The following PDE8A variants were observed in gnomAD, a reference collection of about 807,000 sequenced individuals.
PDE8A encodes the protein high affinity cAMP-specific and IBMX-insensitive 3',5'-cyclic phosphodiesterase 8A.
A neutral mutation model predicts 105.0 loss-of-function variants in PDE8A; 59 were observed. The observed-to-expected ratio is 0.56, with a 90% CI of 0.46 to 0.70. The LOEUF is 0.70. PDE8A is among the 30% of genes least tolerant of loss of function. The pLI, the probability that PDE8A is intolerant of heterozygous loss-of-function variation, is 0.00. For missense variants in PDE8A, 1,014 were observed against 1,045.9 expected, an observed-to-expected ratio of 0.97 and a Z score of 0.42; for synonymous variants, 355 against 371.9, an observed-to-expected ratio of 0.95 and a Z score of 0.52.
chr15:85,092,304 CT>C (rs1436295227), intron 8 of PDE8A, among the ~76,000 whole-genome samples: 1 of 151,316 alleles, frequency 6.6e-6, no homozygotes, highest in Non-Finnish European at 1.5e-5. Context: ...TTCAACTTTT[CT>C]GTCAAGGATT....
At position 85,138,845 on chromosome 15, in the gene PDE8A, A is replaced by G. The variant is rs993418108; in HGVS notation, c.*942A>G. 2.6e-5 allele frequency: 4 copies of G among 152,216 alleles called. No homozygotes were observed. The highest frequency in any genetic ancestry group is 4.8e-5 in the African/African-American group (2 of 41,448). The allele number at this position is 152,216 out of a possible 1,614,324, so 9.4% of individuals were successfully genotyped here. The stretch of plus-strand genomic sequence containing the variant: ...CTTTTTTCTAAAATTTTATAATTCA[A>G]TTTCCAAAAGTCTACTCTATTTTAT... On this transcript the variant is annotated 3_prime_UTR_variant, in exon 22 of 22. Coordinates refer to ENST00000394553, the MANE Select transcript of PDE8A (RefSeq NM_002605.3).
At chr15:85,004,988 T>C (rs1260224755) in intron 1 of PDE8A, among the ~76,000 whole-genome samples, 1 of 152,166 alleles carries the variant, frequency 6.6e-6, no homozygotes, top group Non-Finnish European at 1.5e-5. Context: ...CCATATGATT[T>C]TTTTTCCTGT....
chr15:85,067,359 T>A (rs1752858335), intron 3 of PDE8A, among the ~76,000 whole-genome samples, 155 bp downstream of exon 3: 1 of 152,228 alleles, frequency 6.6e-6, no homozygotes, highest in Non-Finnish European at 1.5e-5. Context: ...ATAGGACTGA[T>A]GCATATCTCT....
intron 1 of PDE8A, among the ~76,000 whole-genome samples, chr15:85,032,912 T>C (rs2080639117): frequency 6.6e-6 from 1 of 152,204 alleles, no homozygotes; most frequent in Non-Finnish European, 1.5e-5. Flanking sequence ...TACTCCATAT[T>C]CAAAAAAATT....
At chr15:85,057,097 T>G (rs2081071683) in intron 1 of PDE8A, among the ~76,000 whole-genome samples, 1 of 152,196 alleles carries the variant, frequency 6.6e-6, no homozygotes, top group African/African-American at 2.4e-5. Context: ...AGACCCTGTT[T>G]GCCTGGGTAT....
chr15:85,023,085 A>C (rs762814701), intron 1 of PDE8A, among the ~76,000 whole-genome samples: 1 of 152,168 alleles, frequency 6.6e-6, no homozygotes, highest in Non-Finnish European at 1.5e-5. Context: ...GGAAGGGAAC[A>C]GTACTGTTTT....
intron 19 of PDE8A, among the ~76,000 whole-genome samples, chr15:85,124,807 G>C (rs1344736569): frequency 6.6e-6 from 1 of 152,130 alleles, no homozygotes; most frequent in Non-Finnish European, 1.5e-5. Context: ...ACTCCTGGCT[G>C]ACCTCATGCC....
intron 1 of PDE8A, among the ~76,000 whole-genome samples, chr15:85,034,681 G>T (rs922259758): frequency 3.9e-5 from 6 of 152,176 alleles, no homozygotes; most frequent in African/African-American, 7.2e-5. Flanking sequence ...GTTAGCAAAA[G>T]AATGGTGCAG....
At chr15:85,133,022 C>T (rs552367644) in intron 20 of PDE8A, among the ~76,000 whole-genome samples, 1 of 152,272 alleles carries the variant, frequency 6.6e-6, no homozygotes, top group East Asian at 1.9e-4. Context: ...TTTTAAAAAA[C>T]AGCCACCTCT....
Position 85,120,749 on chromosome 15 carries a change from T to C in PDE8A, c.1735-48T>C. On this transcript the variant is annotated intron_variant, in intron 17 of 21. Coordinates refer to ENST00000394553, the MANE Select transcript of PDE8A (RefSeq NM_002605.3). Reference sequence around the variant, plus strand: ...AAAGAAAACTATACAGAAGGCTTCCTTGCCTTCAGTGTCATACCCCAGTTT... The same window carrying C: ...AAAGAAAACTATACAGAAGGCTTCCCTGCCTTCAGTGTCATACCCCAGTTT... The C allele has an allele frequency of 4.3e-6, 5 of 1,168,594 alleles. No homozygotes were observed. The South Asian group carries it at 7.3e-5, about 17-fold the overall frequency. The allele number at this position is 1,168,594 out of a possible 1,614,324, so 72.4% of individuals were successfully genotyped here.
intron 3 of PDE8A, among the ~76,000 whole-genome samples, chr15:85,069,530 C>A (rs558884178): frequency 2.0e-5 from 3 of 152,152 alleles, no homozygotes; most frequent in Non-Finnish European, 4.4e-5. Flanking sequence ...ACTGAGCACA[C>A]CCTTACTGCT....
intron 1 of PDE8A, among the ~76,000 whole-genome samples, chr15:84,997,629 G>C (rs1455885520): frequency 6.6e-6 from 1 of 151,460 alleles, no homozygotes; most frequent in East Asian, 1.9e-4. Context: ...TTTTGCTCTC[G>C]TTGCCCAGGC....
At chr15:85,088,956 G>A (rs2081596622) in intron 6 of PDE8A, among the ~76,000 whole-genome samples, 1 of 152,160 alleles carries the variant, frequency 6.6e-6, no homozygotes, top group African/African-American at 2.4e-5. Flanking sequence ...CAGGCTCTGT[G>A]CAGTATTCTT....
chr15:85,048,662 C>G (rs2080923915), intron 1 of PDE8A, among the ~76,000 whole-genome samples: 1 of 152,228 alleles, frequency 6.6e-6, no homozygotes, highest in Non-Finnish European at 1.5e-5. Flanking sequence ...TTGCTTTAAA[C>G]TTGTTCATTA....
chr15:85,026,861 A>G (rs2141365887), intron 1 of PDE8A, among the ~76,000 whole-genome samples: 1 of 152,330 alleles, frequency 6.6e-6, no homozygotes, highest in South Asian at 2.1e-4. Context: ...CAAAAAAGGC[A>G]TTGTGAAACT....
chr15:85,002,673 G>A (rs1463855880), intron 1 of PDE8A, among the ~76,000 whole-genome samples: 1 of 152,226 alleles, frequency 6.6e-6, no homozygotes, highest in Non-Finnish European at 1.5e-5. Context: ...TCCTGGGGGA[G>A]GTGGGGGAGG....
intron 1 of PDE8A, among the ~76,000 whole-genome samples, chr15:85,060,591 T>C (rs1190307442): frequency 6.6e-6 from 1 of 152,190 alleles, no homozygotes; most frequent in Non-Finnish European, 1.5e-5. Flanking sequence ...TAGATTTTCA[T>C]ATATATGGGT....
At position 85,103,374 on chromosome 15, in the gene PDE8A, T is replaced by C. The variant is rs148617274; in HGVS notation, c.1036+3176T>C. 4.5e-3 allele frequency among the ~76,000 whole-genome samples: 683 copies of C among 152,322 alleles called. 5 individuals are homozygous for C. The highest frequency in any genetic ancestry group is 0.016 in the African/African-American group (653 of 41,566). ...TTTGTACCAGGGCATTTGGTCGTTT[T>C]ACTTGGTCACCGTTGACTTAGGAGT... On this transcript the variant is annotated intron_variant, in intron 11 of 21. Coordinates refer to ENST00000394553, the MANE Select transcript of PDE8A (RefSeq NM_002605.3).
At chr15:85,089,003 A>G (rs574425365) in intron 6 of PDE8A, among the ~76,000 whole-genome samples, 1 of 152,144 alleles carries the variant, frequency 6.6e-6, no homozygotes, top group African/African-American at 2.4e-5. Context: ...TGAAGACTCT[A>G]AGGTGGTGAA....
Sources: allele counts gnomAD v4.1 joint callset (sites outside exome capture counted in the v4.1 genomes callset), GRCh38; gene constraint gnomAD v4.1.1; transcripts MANE v1.5; gene names NCBI Gene and HGNC (gene_info 2026-07-23, HGNC 2026-07-21).